The following TMEM135 variants were observed in gnomAD, a reference collection of about 807,000 sequenced individuals.
The protein encoded by TMEM135 is transmembrane protein 135, also known as peroxisomal membrane protein 52.
Under a neutral mutation model 60.3 loss-of-function variants are expected in TMEM135, and 30 were observed. The ratio of observed to expected loss-of-function variants is 0.50; its 90% CI spans 0.37 to 0.68. The LOEUF is 0.68. Among genes scored for constraint, TMEM135 ranks in the 30% least tolerant of loss-of-function variants. The pLI is 0.00. For missense variants in TMEM135, 468 were observed against 548.8 expected, an observed-to-expected ratio of 0.85 and a Z score of 1.47; for synonymous variants, 190 against 186.7, an observed-to-expected ratio of 1.02 and a Z score of -0.14.
At chr11:87,286,094 C>T (rs1293024638) in intron 6 of TMEM135, among the ~76,000 whole-genome samples, 1 of 152,058 alleles carries the variant, frequency 6.6e-6, no homozygotes, top group Admixed American at 6.5e-5. Flanking sequence ...GAGCTAGACG[C>T]AGAATGCTGA....
intron 6 of TMEM135, among the ~76,000 whole-genome samples, chr11:87,273,633 T>G (rs888290976): frequency 1.8e-4 from 28 of 152,056 alleles, no homozygotes; most frequent in Admixed American, 2.0e-4. Flanking sequence ...GAAGGGAGAA[T>G]AAGACAAATT....
At chr11:87,163,152 G>A (rs1239181679) in intron 5 of TMEM135, among the ~76,000 whole-genome samples, 1 of 146,896 alleles carries the variant, frequency 6.8e-6, no homozygotes, top group Non-Finnish European at 1.5e-5. Flanking sequence ...TCCTCATCTA[G>A]CATTAGGTAT....
intron 3 of TMEM135, among the ~76,000 whole-genome samples, chr11:87,077,216 T>A (rs944177543): frequency 3.3e-5 from 5 of 152,262 alleles, no homozygotes; most frequent in African/African-American, 1.2e-4. Flanking sequence ...GAGGAAGTTA[T>A]ATAAATGGAA....
At chr11:87,188,411 A>G (rs1009773976) in intron 5 of TMEM135, among the ~76,000 whole-genome samples, 1 of 152,050 alleles carries the variant, frequency 6.6e-6, no homozygotes, top group African/African-American at 2.4e-5. Flanking sequence ...CTAAAAAATA[A>G]TAGAAGCGGC....
rs1193557660 is a variant in TMEM135, at chr11:87,246,557, G to A, written c.509+9873G>A. 1.6e-3 allele frequency among the ~76,000 whole-genome samples: 236 copies of A among 151,928 alleles called. 1 individual carries two copies. Among genetic ancestry groups the A allele is most frequent in the African/African-American group, 5.4e-3 (225 of 41,338 alleles). Reference sequence around the variant, plus strand: ...TTGGAGGCTTTGTTCGTTTCTTTGTGTTCTTTTTTCTCTAAACTTCCCTTC... The same window carrying A: ...TTGGAGGCTTTGTTCGTTTCTTTGTATTCTTTTTTCTCTAAACTTCCCTTC... On this transcript the variant is annotated intron_variant, in intron 6 of 14. Transcript: ENST00000305494.
At chr11:87,190,258 A>G (rs2135315647) in intron 5 of TMEM135, among the ~76,000 whole-genome samples, 1 of 152,294 alleles carries the variant, frequency 6.6e-6, no homozygotes, top group East Asian at 1.9e-4. Context: ...GACTACTTCC[A>G]CTTTATTTTT....
At chr11:87,143,922 A>G (rs188510104) in intron 4 of TMEM135, among the ~76,000 whole-genome samples, 1 of 152,288 alleles carries the variant, frequency 6.6e-6, no homozygotes, top group Non-Finnish European at 1.5e-5. Context: ...CTTACATTAT[A>G]CAGTAGCAGT....
intron 8 of TMEM135, among the ~76,000 whole-genome samples, 171 bp from the exon 9 acceptor site, chr11:87,305,765 G>A (rs1942529143): frequency 7.1e-6 from 1 of 141,624 alleles, no homozygotes; most frequent in South Asian, 2.3e-4. Context: ...ACAAGAGCGA[G>A]ACTTTATCTC....
chr11:87,126,132 A>G (rs1415217613), intron 4 of TMEM135, among the ~76,000 whole-genome samples: 2 of 115,856 alleles, frequency 1.7e-5, no homozygotes, highest in Non-Finnish European at 3.8e-5. Flanking sequence ...TTGGCCTCCC[A>G]AAGTGTTGGG....
chr11:87,055,934 A>T (rs987599515), intron 1 of TMEM135, among the ~76,000 whole-genome samples: 17 of 152,176 alleles, frequency 1.1e-4, no homozygotes, highest in African/African-American at 3.4e-4. Flanking sequence ...AGCGCAAAGC[A>T]AAAGCAAGTT....
chr11:87,195,656 A>G (rs1303300774), intron 5 of TMEM135, among the ~76,000 whole-genome samples: 1 of 152,056 alleles, frequency 6.6e-6, no homozygotes, highest in African/African-American at 2.4e-5. Flanking sequence ...GCAATCTGCC[A>G]GCCTCCGCCT....
chr11:87,047,028 T>C (rs1408968253), intron 1 of TMEM135, among the ~76,000 whole-genome samples: 1 of 152,194 alleles, frequency 6.6e-6, no homozygotes, highest in Non-Finnish European at 1.5e-5. Flanking sequence ...GCTTTTGTTA[T>C]TCCTCTGCCC....
chr11:87,081,272 T>C (rs546921655), intron 3 of TMEM135, among the ~76,000 whole-genome samples: 10 of 151,322 alleles, frequency 6.6e-5, no homozygotes, highest in African/African-American at 2.4e-4. Flanking sequence ...ATTTGTCTGT[T>C]CCTCCTTACT....
intron 4 of TMEM135, among the ~76,000 whole-genome samples, chr11:87,139,724 C>G (rs1032745919): frequency 1.3e-5 from 2 of 152,076 alleles, no homozygotes; most frequent in Non-Finnish European, 2.9e-5. Context: ...TATTGTCATT[C>G]TTTTTACTTG....
intron 4 of TMEM135, among the ~76,000 whole-genome samples, chr11:87,092,117 A>C (rs1565437069): frequency 6.6e-6 from 1 of 152,170 alleles, no homozygotes; most frequent in Non-Finnish European, 1.5e-5. Context: ...TTTCAGAGTT[A>C]CATTTAGCAA....
At chr11:87,312,133 A>C (rs996394686) in intron 10 of TMEM135, among the ~76,000 whole-genome samples, 1 of 145,944 alleles carries the variant, frequency 6.9e-6, no homozygotes. Context: ...ACCTACTTTC[A>C]TGTTAGTTTT....
intron 4 of TMEM135, among the ~76,000 whole-genome samples, chr11:87,092,462 AT>A (rs1857228836): frequency 6.6e-6 from 1 of 152,174 alleles, no homozygotes; most frequent in Non-Finnish European, 1.5e-5. Flanking sequence ...CCTAAATTTC[AT>A]TTCAGAGTGT....
At chr11:87,075,899 TC>T in intron 3 of TMEM135, among the ~76,000 whole-genome samples, 1 of 152,172 alleles carries the variant, frequency 6.6e-6, no homozygotes, top group East Asian at 1.9e-4. Context: ...TCTCTCTCTC[TC>T]TCTCTGTGTG....
chr11:87,321,210 C>T lies in TMEM135; in HGVS notation c.1254C>T (p.Val418=), dbSNP rs947949325. The change falls in exon 15 of 15, where the codon GTC becomes GTT. Residue 418 remains valine, a synonymous_variant. Transcript: ENST00000305494. Reference sequence around the variant, plus strand: ...ATTCTTTGTTTTACAGATTTGCTGTCATGAACCGAAAAGTCCTTGATGTTT... The same window carrying T: ...ATTCTTTGTTTTACAGATTTGCTGTTATGAACCGAAAAGTCCTTGATGTTT... ...LLRLTKGKFA[V]MNRKVLDVFG... is the part of the protein sequence containing the mutation. 2 of 1,612,878 alleles carry T rather than the reference C, an allele frequency of 1.2e-6. No individual in the cohort carries two copies. Among genetic ancestry groups the T allele is most frequent in the African/African-American group, 2.7e-5 (2 of 74,860 alleles).
Sources: gnomAD v4.1 joint callset for allele counts (sites outside exome capture counted in the v4.1 genomes callset) on GRCh38, gnomAD v4.1.1 for gene constraint, MANE v1.5 for transcripts, NCBI Gene and HGNC (gene_info 2026-07-23, HGNC 2026-07-21) for gene names.